Variants in RALA observed in about 807,000 individuals in gnomAD.
RALA encodes ras-related protein Ral-A.
Under a neutral mutation model 24.0 loss-of-function variants are expected in RALA, and 5 were observed. The observed-to-expected ratio is 0.21, with a 90% CI of 0.11 to 0.44. The LOEUF is 0.44. Ranked by LOEUF, RALA falls within the 20% of genes least tolerant of loss-of-function variation. The probability of loss-of-function intolerance (pLI) is 0.99; values close to 1 mark genes in which losing one functional copy is unlikely to be tolerated. For missense variants in RALA, 95 were observed against 241.2 expected (o/e 0.39, Z 4.01); for synonymous variants, 77 against 83.8 (o/e 0.92, Z 0.44).
chr7:39,696,776 G>T lies in RALA; in HGVS notation c.415G>T (p.Val139Leu). Residue 139 changes from valine to leucine, a missense_variant, in exon 4 of 5, where the codon GTA becomes TTA. Transcript: ENST00000005257. The stretch of plus-strand genomic sequence containing the variant: ...TTTAGAAGATAAAAGACAGGTTTCT[G>T]TAGAAGAGGCAAAAAACAGAGCTGA... Reference protein sequence around the residue: ...SDLEDKRQVSVEEAKNRAEQW... With the variant: ...SDLEDKRQVSLEEAKNRAEQW... 1.9e-6 allele frequency: 3 copies of T among 1,613,684 alleles called. No individual in the cohort carries two copies. The highest frequency in any genetic ancestry group is 2.5e-6 in the Non-Finnish European group (3 of 1,179,636).
At chr7:39,626,488 T>C (rs1000855743) in intron 1 of RALA, among the ~76,000 whole-genome samples, 1 of 152,222 alleles carries the variant, frequency 6.6e-6, no homozygotes, top group African/African-American at 2.4e-5. Flanking sequence ...AAGGTGAAGA[T>C]ACTGATTCCT....
At chr7:39,682,882 C>T (rs909876998) in intron 1 of RALA, among the ~76,000 whole-genome samples, 13 of 152,076 alleles carry the variant, frequency 8.5e-5, no homozygotes, top group Non-Finnish European at 1.9e-4. Flanking sequence ...TCAAGTGATC[C>T]GCCCACCTCG....
At chr7:39,659,594 G>C (rs1436891229) in intron 1 of RALA, among the ~76,000 whole-genome samples, 4 of 152,186 alleles carry the variant, frequency 2.6e-5, no homozygotes, top group African/African-American at 9.7e-5. Context: ...GTAGCCAAGA[G>C]AAAATGGAGT....
chr7:39,678,483 G>T (rs181050302), intron 1 of RALA, among the ~76,000 whole-genome samples: 4 of 152,202 alleles, frequency 2.6e-5, no homozygotes, highest in Non-Finnish European at 4.4e-5. Flanking sequence ...TGGTGTAGTT[G>T]TCTAGTTTCT....
intron 1 of RALA, among the ~76,000 whole-genome samples, chr7:39,673,113 G>C (rs763138556): frequency 5.3e-5 from 8 of 152,074 alleles, no homozygotes; most frequent in Non-Finnish European, 7.4e-5. Flanking sequence ...GCTTGAGCTT[G>C]AGAGACGGAG....
At chr7:39,690,963 A>T (rs1034591624) in intron 3 of RALA, among the ~76,000 whole-genome samples, 1 of 152,144 alleles carries the variant, frequency 6.6e-6, no homozygotes, top group Admixed American at 6.5e-5. Context: ...TCTGTTAGTC[A>T]TGGTTTCTTA....
At chr7:39,696,165 A>G (rs971434952) in intron 3 of RALA, among the ~76,000 whole-genome samples, 8 of 152,208 alleles carry the variant, frequency 5.3e-5, no homozygotes, top group Non-Finnish European at 1.0e-4. Context: ...TCTATGCTCA[A>G]GGTCTGACTT....
rs1332896573 is a variant in RALA at position 39,708,045 on chromosome 7, T to G, written c.*1800T>G. The stretch of plus-strand genomic sequence containing the variant: ...ACTGACAAAGATGCATCACGTGTCT[T>G]AGGCTGATGCCACTACCCGATTTGT... On this transcript the variant is annotated 3_prime_UTR_variant, in exon 5 of 5. Transcript: ENST00000005257. The G allele has an allele frequency of 6.5e-6, 1 of 152,680 alleles. No homozygotes were observed. Among genetic ancestry groups the G allele is most frequent in the Non-Finnish European group, 1.5e-5 (1 of 68,040 alleles). The allele number at this position is 152,680 out of a possible 1,614,324, so 9.5% of individuals were successfully genotyped here.
intron 1 of RALA, among the ~76,000 whole-genome samples, chr7:39,662,613 A>G (rs1473581136): frequency 6.6e-6 from 1 of 152,130 alleles, no homozygotes; most frequent in Non-Finnish European, 1.5e-5. Flanking sequence ...ATTCCCAACA[A>G]GTTCCTCATC....
chr7:39,707,485 C>T lies in RALA; in HGVS notation c.*1240C>T, dbSNP rs1793138040. ...TCAAACCTGGGTATAGTGCAGAAAA[C>T]GTGGCACACACTGACCACACATTAG... On this transcript the variant is annotated 3_prime_UTR_variant, in exon 5 of 5. Transcript: ENST00000005257. 6.6e-6 allele frequency: 1 copy of T among 152,126 alleles called. No homozygotes were observed. Among genetic ancestry groups the T allele is most frequent in the African/African-American group, 2.4e-5 (1 of 41,394 alleles). 9.4% of individuals were successfully genotyped at this position (152,126 alleles called of 1,614,324 possible). A position where few individuals can be genotyped will look rare whatever the true frequency, so the allele number is the denominator to read the frequency against.
At chr7:39,701,699 T>C (rs1331102952) in intron 4 of RALA, among the ~76,000 whole-genome samples, 2 of 152,212 alleles carry the variant, frequency 1.3e-5, no homozygotes, top group Non-Finnish European at 1.5e-5. Flanking sequence ...GCTCATGCGT[T>C]ATCCTCATCT....
intron 1 of RALA, among the ~76,000 whole-genome samples, chr7:39,663,815 A>G (rs1792240469): frequency 2.0e-5 from 3 of 152,212 alleles, no homozygotes; most frequent in Admixed American, 1.3e-4. Flanking sequence ...AAAAAAAGCC[A>G]TAGCTGTAGA....
At chr7:39,627,803 C>A (rs746654310) in intron 1 of RALA, among the ~76,000 whole-genome samples, 3 of 152,208 alleles carry the variant, frequency 2.0e-5, no homozygotes, top group Non-Finnish European at 4.4e-5. Context: ...CCATCTGATA[C>A]TTTTCCCATT....
chr7:39,685,073 A>G (rs143536090), intron 1 of RALA, among the ~76,000 whole-genome samples: 9 of 152,322 alleles, frequency 5.9e-5, no homozygotes, highest in East Asian at 5.8e-4. Context: ...CAAAACCGCA[A>G]TTACTTTGGC....
At chr7:39,640,501 A>G (rs973062025) in intron 1 of RALA, among the ~76,000 whole-genome samples, 1 of 152,134 alleles carries the variant, frequency 6.6e-6, no homozygotes, top group Non-Finnish European at 1.5e-5. Flanking sequence ...TTTTCTTGTT[A>G]CTGAGTTGTA....
intron 4 of RALA, among the ~76,000 whole-genome samples, chr7:39,697,705 T>C: frequency 6.6e-6 from 1 of 152,214 alleles, no homozygotes. Flanking sequence ...TTTATGATTC[T>C]AGCAAGTGCT....
At chr7:39,702,153 G>T (rs1793039930) in intron 4 of RALA, among the ~76,000 whole-genome samples, 5 of 152,008 alleles carry the variant, frequency 3.3e-5, no homozygotes, top group Admixed American at 2.6e-4. Flanking sequence ...GTAATACATG[G>T]ATACATGCTT....
Position 39,707,654 on chromosome 7 carries a change from A to T in RALA, c.*1409A>T, listed in dbSNP as rs1242843345. 1.3e-5 allele frequency: 2 copies of T among 151,548 alleles called. No individual in the cohort carries two copies. The allele number at this position is 151,548 out of a possible 1,614,324, so 9.4% of individuals were successfully genotyped here. On this transcript the variant is annotated 3_prime_UTR_variant, in exon 5 of 5. Transcript: ENST00000005257. Reference sequence around the variant, plus strand: ...GCTAGGACAGTTGATTCAACAAAGTATTTTTTTCTTTTTTCTCAGTCCTAA... The same window carrying T: ...GCTAGGACAGTTGATTCAACAAAGTTTTTTTTTCTTTTTTCTCAGTCCTAA...
At chr7:39,672,137 A>G (rs1203234450) in intron 1 of RALA, among the ~76,000 whole-genome samples, 1 of 152,210 alleles carries the variant, frequency 6.6e-6, no homozygotes. Flanking sequence ...TGAAAAGATA[A>G]GCCACAAACT....
Sources: gnomAD v4.1 joint callset for allele counts (sites outside exome capture counted in the v4.1 genomes callset) on GRCh38, gnomAD v4.1.1 for gene constraint, MANE v1.5 for transcripts, NCBI Gene and HGNC (gene_info 2026-07-23, HGNC 2026-07-21) for gene names.